ROR2: variants seen among roughly 807,000 people sequenced by gnomAD.
ROR2 encodes tyrosine-protein kinase transmembrane receptor ROR2.
ROR2 carries 33 observed loss-of-function variants against 74.9 expected under a neutral mutation model. The observed-to-expected ratio is 0.44, with a 90% confidence interval of 0.33 to 0.59. The LOEUF is 0.59. Among genes scored for constraint, ROR2 ranks in the 20% least tolerant of loss-of-function variants. The pLI is 0.02. For synonymous variants in ROR2, 586 were observed against 558.7 expected (o/e 1.05, Z -0.69); for missense variants, 1,216 against 1,313.8 (o/e 0.93, Z 1.15).
chr9:91,778,813 C>T (rs547556865), intron 1 of ROR2, among the ~76,000 whole-genome samples: 161 of 152,158 alleles, frequency 1.1e-3, no homozygotes, highest in African/African-American at 3.7e-3. Flanking sequence ...CACAGAGTGG[C>T]GAGGTGAAGC....
intron 1 of ROR2, among the ~76,000 whole-genome samples, chr9:91,858,490 C>T (rs1293009118): frequency 6.6e-6 from 1 of 152,192 alleles, no homozygotes; most frequent in Non-Finnish European, 1.5e-5. Flanking sequence ...GCGGCTGCAG[C>T]CCCAAGGAAG....
intron 1 of ROR2, among the ~76,000 whole-genome samples, chr9:91,841,286 T>C (rs1304629862): frequency 6.6e-6 from 1 of 152,196 alleles, no homozygotes; most frequent in African/African-American, 2.4e-5. Flanking sequence ...AACTCAACAT[T>C]TTCTAGAGTT....
chr9:91,817,158 G>C (rs1345521712), intron 1 of ROR2, among the ~76,000 whole-genome samples: 2 of 152,318 alleles, frequency 1.3e-5, no homozygotes, highest in Non-Finnish European at 2.9e-5. Context: ...CAGGGGCTCA[G>C]TGCTGGTGAG....
intron 2 of ROR2, among the ~76,000 whole-genome samples, chr9:91,766,715 A>C (rs887417879): frequency 6.6e-6 from 1 of 152,216 alleles, no homozygotes; most frequent in African/African-American, 2.4e-5. Flanking sequence ...TCACAAAAAC[A>C]TTCCTTTGTA....
chr9:91,775,684 G>A, intron 2 of ROR2, 57 bp downstream of exon 2: 1 of 1,529,378 alleles, frequency 6.5e-7, no homozygotes, highest in East Asian at 2.2e-5. Flanking sequence ...AGTGCAAGAT[G>A]AGCCTCAGCA....
At chr9:91,870,440 G>T (rs1309655139) in intron 1 of ROR2, among the ~76,000 whole-genome samples, 1 of 152,142 alleles carries the variant, frequency 6.6e-6, no homozygotes, top group Non-Finnish European at 1.5e-5. Flanking sequence ...AACTTCCCCT[G>T]CAACTGCCCA....
chr9:91,859,517 T>A (rs1042459595), intron 1 of ROR2, among the ~76,000 whole-genome samples: 2 of 151,694 alleles, frequency 1.3e-5, no homozygotes, highest in African/African-American at 2.4e-5. Context: ...AACAACAGTC[T>A]CTTTTGGAAA....
At chr9:91,783,810 C>T (rs1826703888) in intron 1 of ROR2, among the ~76,000 whole-genome samples, 1 of 152,206 alleles carries the variant, frequency 6.6e-6, no homozygotes. Flanking sequence ...AGCATTCACA[C>T]AGCCCCCATT....
chr9:91,734,141 G>A (rs1416333478), intron 5 of ROR2, among the ~76,000 whole-genome samples: 4 of 152,264 alleles, frequency 2.6e-5, no homozygotes, highest in Admixed American at 1.3e-4. Flanking sequence ...GGGTGAGTTC[G>A]GGAACAAAGT....
intron 4 of ROR2, among the ~76,000 whole-genome samples, chr9:91,750,974 G>A (rs1190298726): frequency 6.6e-6 from 1 of 152,186 alleles, no homozygotes; most frequent in East Asian, 1.9e-4. Flanking sequence ...ATAATACCAT[G>A]TGCTAGAAAA....
intron 1 of ROR2, among the ~76,000 whole-genome samples, chr9:91,811,428 G>A (rs941911546): frequency 1.3e-5 from 2 of 152,224 alleles, no homozygotes; most frequent in South Asian, 2.1e-4. Context: ...TCTGAGGAAG[G>A]GGCTGTGTTA....
chr9:91,923,150 T>TAGC (rs1473399747), intron 1 of ROR2, among the ~76,000 whole-genome samples: 1 of 152,204 alleles, frequency 6.6e-6, no homozygotes, highest in African/African-American at 2.4e-5. Context: ...GCTAACAAGT[T>TAGC]AGCAGCCTCT....
intron 1 of ROR2, among the ~76,000 whole-genome samples, chr9:91,821,873 C>T (rs1828150340): frequency 6.6e-6 from 1 of 152,178 alleles, no homozygotes; most frequent in Non-Finnish European, 1.5e-5. Context: ...GGCACTGGGA[C>T]CGAGGGTCCT....
chr9:91,751,816 A>C (rs898757133), intron 4 of ROR2, among the ~76,000 whole-genome samples: 8 of 152,224 alleles, frequency 5.3e-5, no homozygotes. Flanking sequence ...GGTTACAAAG[A>C]AAAATCTCAA....
rs1296438599 is a variant in ROR2, at chr9:91,726,710, T to C, written c.1217A>G (p.Tyr406Cys). 1 of 1,614,014 alleles carries C rather than the reference T, an allele frequency of 6.2e-7. No homozygotes were observed. Among genetic ancestry groups the C allele is most frequent in the Admixed American group, 1.7e-5 (1 of 60,012 alleles). Residue 406 changes from tyrosine (Y) to cysteine (C), a missense_variant, in exon 8 of 9, where the codon TAC (tyrosine) becomes TGC (cysteine). Physicochemically the swap from Tyr to Cys is radical, Grantham distance 194 (BLOSUM62 -2). Transcript: ENST00000375708. ...PRDSSKMGIL[Y>C]ILVPSIAIPL... is the part of the protein sequence containing the mutation. ...AATTGCGATGCTGGGGACCAAGATG[T>C]ACAGAATCCCCATCTTGCTGCTGTC... is the stretch of plus-strand genomic sequence containing the variant.
Position 91,852,658 on chromosome 9 carries a change from C to CACACACAT in ROR2, c.98-76841_98-76840insATGTGTGT, listed in dbSNP as rs1208306508. On this transcript the variant is annotated intron_variant, in intron 1 of 8. Coordinates refer to ENST00000375708, the MANE Select transcript of ROR2 (RefSeq NM_004560.4). The stretch of plus-strand genomic sequence containing the variant: ...ACACACACACACACACACCCACACA[C>CACACACAT]ACAATGTAAGTCCATAAGAAGTCGG... Among the ~76,000 whole-genome samples, 244 of 151,948 alleles carry CACACACAT rather than the reference C, an allele frequency of 1.6e-3. 2 individuals are homozygous for CACACACAT. Among genetic ancestry groups the CACACACAT allele is most frequent in the East Asian group, 0.015 (79 of 5,160 alleles).
chr9:91,754,273 A>G (rs926149933), intron 4 of ROR2, among the ~76,000 whole-genome samples: 4 of 150,446 alleles, frequency 2.7e-5, no homozygotes, highest in African/African-American at 9.7e-5. Context: ...CTCTGTAATT[A>G]TATGTTATGT....
At chr9:91,846,513 G>T (rs1235320176) in intron 1 of ROR2, among the ~76,000 whole-genome samples, 1 of 152,096 alleles carries the variant, frequency 6.6e-6, no homozygotes, top group Non-Finnish European at 1.5e-5. Context: ...AATGTCTGCT[G>T]TTTAAGCCGC....
intron 1 of ROR2, among the ~76,000 whole-genome samples, chr9:91,812,523 G>A (rs1272291133): frequency 1.3e-5 from 2 of 151,414 alleles, no homozygotes; most frequent in Non-Finnish European, 2.9e-5. Flanking sequence ...ACCTCTGAGG[G>A]TCAGGCACAC....
Sources: allele counts gnomAD v4.1 joint callset (sites outside exome capture counted in the v4.1 genomes callset), GRCh38; gene constraint gnomAD v4.1.1; transcripts MANE v1.5; gene names NCBI Gene and HGNC (gene_info 2026-07-23, HGNC 2026-07-21).